Variants in FRMD5 observed in about 807,000 individuals in gnomAD.
FRMD5 encodes FERM domain containing 5, also known as FERM domain-containing protein 5.
A neutral mutation model predicts 69.0 loss-of-function variants in FRMD5; 20 were observed. The observed-to-expected ratio is 0.29, with a 90% CI of 0.20 to 0.42. The LOEUF (loss-of-function observed/expected upper bound fraction) is 0.42, where lower values mean the gene tolerates loss of function less well. Among genes scored for constraint, FRMD5 ranks in the 10% least tolerant of loss-of-function variants. The pLI is 1.00. For synonymous variants in FRMD5, 271 were observed against 260.1 expected, an observed-to-expected ratio of 1.04 and a Z score of -0.40; for missense variants, 595 against 708.6, an observed-to-expected ratio of 0.84 and a Z score of 1.82.
intron 1 of FRMD5, among the ~76,000 whole-genome samples, chr15:44,112,116 T>G (rs377357152): frequency 2.6e-5 from 4 of 152,328 alleles, no homozygotes; most frequent in African/African-American, 9.6e-5. Flanking sequence ...GTGCTGATAT[T>G]ACAGGCGTGA....
rs2706478 is a variant in FRMD5 at position 44,188,478 on chromosome 15, T to A, written c.102+6475A>T. Among the ~76,000 whole-genome samples, 12 of 152,184 alleles carry A rather than the reference T, an allele frequency of 7.9e-5. No individual in the cohort carries two copies. In the East Asian group the frequency reaches 2.3e-3, roughly 29 times the overall value. On this transcript the variant is annotated intron_variant, in intron 1 of 13. Transcript: ENST00000417257. ...ACCCAGTAGTAGTGATTCTCAAACC[T>A]CAGCAAGCCTAAGAATCACCTGGAA...
intron 1 of FRMD5, among the ~76,000 whole-genome samples, chr15:44,043,315 G>A (rs879948402): frequency 6.6e-6 from 1 of 152,154 alleles, no homozygotes; most frequent in Non-Finnish European, 1.5e-5. Flanking sequence ...CTCATGGATA[G>A]GAAGAATCAG....
chr15:43,931,640 T>C (rs1322466535), intron 1 of FRMD5, among the ~76,000 whole-genome samples: 2 of 152,072 alleles, frequency 1.3e-5, no homozygotes, highest in Non-Finnish European at 2.9e-5. Flanking sequence ...TGGGAATTTC[T>C]GGGGTTTTAG....
At chr15:44,117,762 A>G (rs2076889953) in intron 1 of FRMD5, among the ~76,000 whole-genome samples, 1 of 152,234 alleles carries the variant, frequency 6.6e-6, no homozygotes, top group Non-Finnish European at 1.5e-5. Context: ...AGGGAAAGTG[A>G]TATAAATACA....
intron 1 of FRMD5, among the ~76,000 whole-genome samples, chr15:44,064,722 A>T (rs993509130): frequency 3.3e-5 from 5 of 152,258 alleles, no homozygotes; most frequent in African/African-American, 9.6e-5. Context: ...CTCCATTTCA[A>T]ATCCAACTTT....
At chr15:43,926,111 A>T (rs1257421251) in intron 1 of FRMD5, among the ~76,000 whole-genome samples, 1 of 152,230 alleles carries the variant, frequency 6.6e-6, no homozygotes, top group Non-Finnish European at 1.5e-5. Context: ...GAATGAATAG[A>T]AGGGAAAAGG....
intron 1 of FRMD5, among the ~76,000 whole-genome samples, chr15:44,099,059 C>A (rs2076598365): frequency 6.6e-6 from 1 of 152,208 alleles, no homozygotes; most frequent in Non-Finnish European, 1.5e-5. Flanking sequence ...ACTGTTCAGG[C>A]TGGGTGTTAC....
At chr15:44,152,847 CTTCT>C (rs946985338) in intron 1 of FRMD5, among the ~76,000 whole-genome samples, 8 of 149,604 alleles carry the variant, frequency 5.3e-5, no homozygotes, top group Non-Finnish European at 1.2e-4. Flanking sequence ...GTGGATCTGA[CTTCT>C]TTATTAAACT....
upstream of FRMD5, among the ~76,000 whole-genome samples, chr15:44,195,491 T>C (rs1342039088): frequency 1.3e-5 from 2 of 152,186 alleles, no homozygotes; most frequent in Non-Finnish European, 2.9e-5. Context: ...GGGGTTCCTC[T>C]CCGCCCCGTG....
At chr15:44,021,835 T>C (rs1289122229) in intron 1 of FRMD5, among the ~76,000 whole-genome samples, 2 of 152,164 alleles carry the variant, frequency 1.3e-5, no homozygotes, top group Non-Finnish European at 2.9e-5. Context: ...CAAACAGGTA[T>C]TTGTACACCA....
intron 1 of FRMD5, among the ~76,000 whole-genome samples, chr15:44,000,924 C>A (rs1359892770): frequency 6.6e-6 from 1 of 152,166 alleles, no homozygotes; most frequent in Non-Finnish European, 1.5e-5. Context: ...AGCAATCCTC[C>A]CACCTCAGCC....
At chr15:44,091,291 A>G (rs1168551259) in intron 1 of FRMD5, among the ~76,000 whole-genome samples, 3 of 152,162 alleles carry the variant, frequency 2.0e-5, no homozygotes, top group Non-Finnish European at 2.9e-5. Flanking sequence ...AGCACTTGGC[A>G]TATGTTTATG....
At chr15:43,904,657 G>A (rs984613214) in intron 6 of FRMD5, among the ~76,000 whole-genome samples, 2 of 144,478 alleles carry the variant, frequency 1.4e-5, no homozygotes, top group African/African-American at 2.5e-5. Flanking sequence ...GGGATTACAG[G>A]TGTGAGCCAC....
chr15:44,049,881 G>C (rs907760896), intron 1 of FRMD5, among the ~76,000 whole-genome samples: 1 of 152,120 alleles, frequency 6.6e-6, no homozygotes, highest in African/African-American at 2.4e-5. Flanking sequence ...ATTTTGGATA[G>C]TATTTTATCA....
At position 43,883,903 on chromosome 15, in the gene FRMD5, C is replaced by T; in HGVS notation, c.1029-94G>A. On this transcript the variant is annotated intron_variant, in intron 12 of 13. Coordinates refer to ENST00000417257, the MANE Select transcript of FRMD5 (RefSeq NM_032892.5). ...AGTACTGGCTACTAGAATTGCCTGG[C>T]TATATTAAGTCTTGGTCTCTCTCTT... 6 of 877,170 alleles carry T rather than the reference C, an allele frequency of 6.8e-6. No individual in the cohort carries two copies. The East Asian group carries it at 1.3e-4, about 18-fold the overall frequency. The allele number at this position is 877,170 out of a possible 1,614,324, so 54.3% of individuals were successfully genotyped here. A position where few individuals can be genotyped will look rare whatever the true frequency, so the allele number is the denominator to read the frequency against.
At chr15:44,166,656 C>T (rs2077713374) in intron 1 of FRMD5, among the ~76,000 whole-genome samples, 2 of 151,618 alleles carry the variant, frequency 1.3e-5, no homozygotes, top group Non-Finnish European at 2.9e-5. Context: ...TGGTGGTGAG[C>T]AGCTGTAATC....
chr15:44,095,294 C>T (rs1850402466), intron 1 of FRMD5, among the ~76,000 whole-genome samples: 1 of 151,976 alleles, frequency 6.6e-6, no homozygotes, highest in Non-Finnish European at 1.5e-5. Context: ...CCTCAATCTC[C>T]TGGGCTCAAG....
chr15:43,951,172 G>A (rs1233784413), intron 1 of FRMD5, among the ~76,000 whole-genome samples: 3 of 151,768 alleles, frequency 2.0e-5, no homozygotes, highest in African/African-American at 7.3e-5. Context: ...TATAATCCCA[G>A]CACTTTGGGA....
rs573643265 is a variant in FRMD5 at position 44,186,568 on chromosome 15, G to A, written c.102+8385C>T. 7.2e-5 allele frequency among the ~76,000 whole-genome samples: 11 copies of A among 152,292 alleles called. No individual in the cohort carries two copies. The East Asian group carries it at 2.1e-3, about 29-fold the overall frequency. On this transcript the variant is annotated intron_variant, in intron 1 of 13. Transcript: ENST00000417257. Reference sequence around the variant, plus strand: ...GGCCAGACATTTGAGTGTGCCCTAGGGCATGCGGGTTTGATGTACCACTAT... The same window carrying A: ...GGCCAGACATTTGAGTGTGCCCTAGAGCATGCGGGTTTGATGTACCACTAT...
Sources: gnomAD v4.1 joint callset for allele counts (sites outside exome capture counted in the v4.1 genomes callset) on GRCh38, gnomAD v4.1.1 for gene constraint, MANE v1.5 for transcripts, NCBI Gene and HGNC (gene_info 2026-07-23, HGNC 2026-07-21) for gene names.